Variants in LLGL2 observed in about 807,000 individuals in gnomAD.
The protein encoded by LLGL2 is LLGL2, scribble cell polarity complex component.
In LLGL2, 81 loss-of-function variants were observed where a neutral mutation model predicts 123.2. The observed-to-expected ratio is 0.66, with a 90% CI of 0.55 to 0.79. The LOEUF is 0.79. Ranked by LOEUF, LLGL2 falls within the 30% of genes least tolerant of loss-of-function variation. The probability of loss-of-function intolerance (pLI) is 0.00; values close to 1 mark genes in which losing one functional copy is unlikely to be tolerated. For synonymous variants in LLGL2, 577 were observed against 594.1 expected, an observed-to-expected ratio of 0.97 and a Z score of 0.42; for missense variants, 1,273 against 1,414.6, an observed-to-expected ratio of 0.90 and a Z score of 1.61.
rs562297730 is a variant in LLGL2, at chr17:75,543,286, G to C, written c.-30-111G>C. The C allele has an allele frequency of 6.1e-4, 409 of 669,304 alleles. 1 individual carries two copies. In the African/African-American group the frequency reaches 7.4e-3, roughly 12 times the overall value. The allele number at this position is 669,304 out of a possible 1,614,324, so 41.5% of individuals were successfully genotyped here. A position where few individuals can be genotyped will look rare whatever the true frequency, so the allele number is the denominator to read the frequency against. ...ACTGTGAAGCTGGCCTGGCCCCGGG[G>C]TGGCAGCCTACTGGACTTGGAGAGA... is the stretch of plus-strand genomic sequence containing the variant. On this transcript the variant is annotated intron_variant, in intron 1 of 25. Coordinates refer to ENST00000392550, the MANE Select transcript of LLGL2 (RefSeq NM_001031803.2).
In LLGL2 at chr17:75,573,072, G is replaced by A. The variant is rs1486724075; in HGVS notation, c.2519G>A (p.Gly840Asp). 6.2e-7 allele frequency: 1 copy of A among 1,613,042 alleles called. No homozygotes were observed. The highest frequency in any genetic ancestry group is 8.5e-7 in the Non-Finnish European group (1 of 1,179,984). ...KLKLKLTALE[G>D]SRVRRVSVAH... ...AAGTTGAAGCTGACGGCCCTGGAGG[G>A]CTCAAGAGTGCGGCGGGTCAGCGTG... The change falls in exon 20 of 26, where the codon GGC becomes GAC. Residue 840 changes from glycine (G) to aspartate (D), a missense_variant. Transcript: ENST00000392550.
rs150609196 is a variant in LLGL2, at chr17:75,530,972, C to T, written c.-31+5147C>T. Among the ~76,000 whole-genome samples, 121 of 152,190 alleles carry T rather than the reference C, an allele frequency of 8.0e-4. 1 individual carries two copies. The highest frequency in any genetic ancestry group is 2.6e-3 in the African/African-American group (108 of 41,534). On this transcript the variant is annotated intron_variant, in intron 1 of 25. Transcript: ENST00000392550. ...CCTTGGGAGGGCCAAGAGTGAGAGC[C>T]GGTTGCCTGGGAGTCTTTCCTGTGG...
chr17:75,558,726 C>G lies in LLGL2; in HGVS notation c.371+99C>G, dbSNP rs1383441868. On this transcript the variant is annotated intron_variant, in intron 5 of 25. Transcript: ENST00000392550. The surrounding 1 kb of genome is among the most constrained non-coding windows in gnomAD (Gnocchi z 4.0). Reference sequence around the variant, plus strand: ...ACCCTTTGTGAGGCCTGTTGCGCCCCTGGCAGTGACTGGCATGCGTTTGGC... The same window carrying G: ...ACCCTTTGTGAGGCCTGTTGCGCCCGTGGCAGTGACTGGCATGCGTTTGGC... The G allele has an allele frequency of 1.1e-6, 1 of 881,490 alleles. No homozygotes were observed. Among genetic ancestry groups the G allele is most frequent in the Non-Finnish European group, 1.8e-6 (1 of 554,598 alleles). The allele number at this position is 881,490 out of a possible 1,614,324, so 54.6% of individuals were successfully genotyped here. A position where few individuals can be genotyped will look rare whatever the true frequency, so the allele number is the denominator to read the frequency against.
intron 1 of LLGL2, among the ~76,000 whole-genome samples, chr17:75,531,350 G>T (rs1470921612): frequency 1.3e-5 from 2 of 152,168 alleles, no homozygotes; most frequent in Non-Finnish European, 2.9e-5. Flanking sequence ...AGTTTCCCCG[G>T]GGAGCTATTC....
At position 75,571,738 on chromosome 17, in the gene LLGL2, C is replaced by T; in HGVS notation, c.2248C>T (p.Pro750Ser). 6.2e-7 allele frequency: 1 copy of T among 1,609,090 alleles called. No individual in the cohort carries two copies. ...CATCTATGCCTTCTCCCTGCGTGTG[C>T]CTCCCGCCGAGCGGAGAATGGATGA... Reference protein sequence around the residue: ...GTIYAFSLRVPPAERRMDEPV... With the variant: ...GTIYAFSLRVSPAERRMDEPV... Residue 750 changes from proline (P) to serine (S), a missense_variant, in exon 18 of 26, where the codon CCT becomes TCT. Pro to Ser is a moderately conservative substitution (Grantham distance 74). Coordinates refer to ENST00000392550, the MANE Select transcript of LLGL2 (RefSeq NM_001031803.2).
chr17:75,550,771 A>C (rs2147278933), intron 2 of LLGL2, among the ~76,000 whole-genome samples: 1 of 110,620 alleles, frequency 9.0e-6, no homozygotes, highest in Admixed American at 1.1e-4. Context: ...ACAGAGTGAG[A>C]CCCTGTCTCA....
chr17:75,540,239 GA>G (rs1475538823), intron 1 of LLGL2, among the ~76,000 whole-genome samples: 1 of 152,226 alleles, frequency 6.6e-6, no homozygotes, highest in Non-Finnish European at 1.5e-5. Flanking sequence ...CTGGCTTCCT[GA>G]AGTTTCTCTG....
intron 3 of LLGL2, among the ~76,000 whole-genome samples, chr17:75,557,404 C>T (rs985323509): frequency 5.9e-5 from 9 of 152,294 alleles, no homozygotes; most frequent in African/African-American, 2.2e-4. Context: ...CCAGTTGGGT[C>T]ATCTTTTATC....
chr17:75,535,007 A>C (rs1001359187), intron 1 of LLGL2, among the ~76,000 whole-genome samples: 1 of 152,154 alleles, frequency 6.6e-6, no homozygotes, highest in Non-Finnish European at 1.5e-5. Context: ...ACTCCATGGA[A>C]CTGCCTTTCA....
At chr17:75,545,893 T>C (rs2054400829) in intron 2 of LLGL2, among the ~76,000 whole-genome samples, 1 of 152,084 alleles carries the variant, frequency 6.6e-6, no homozygotes, top group African/African-American at 2.4e-5. Flanking sequence ...ACAGATGATA[T>C]TTGAGGCTGG....
chr17:75,568,446 C>T (rs756825957), intron 10 of LLGL2, 30 bp from the exon 11 acceptor site: 9 of 1,603,948 alleles, frequency 5.6e-6, no homozygotes, highest in African/African-American at 2.7e-5. Context: ...CCTCCTGGCC[C>T]CGGCCCCTGA....
intron 10 of LLGL2, chr17:75,568,165 C>T (rs2055528132): frequency 3.1e-6 from 4 of 1,277,920 alleles, no homozygotes; most frequent in Non-Finnish European, 4.0e-6. Flanking sequence ...GGAGGAGAAA[C>T]CAGGGAAGAG....
rs962821900 is a variant in LLGL2 at position 75,558,995 on chromosome 17, A to T, written c.372-257A>T. On this transcript the variant is annotated intron_variant, in intron 5 of 25. Transcript: ENST00000392550. The surrounding 1 kb of genome is among the most constrained non-coding windows in gnomAD (Gnocchi z 4.0). The stretch of plus-strand genomic sequence containing the variant: ...CCTCCATCCGCACCCCGCCTCCTCC[A>T]TCTGCACCCCGCCTCCTCCATCCGC... 3.1e-5 allele frequency: 17 copies of T among 552,208 alleles called. No homozygotes were observed. Among genetic ancestry groups the T allele is most frequent in the Non-Finnish European group, 2.6e-5 (8 of 309,708 alleles). The allele number at this position is 552,208 out of a possible 1,614,324, so 34.2% of individuals were successfully genotyped here. A position where few individuals can be genotyped will look rare whatever the true frequency, so the allele number is the denominator to read the frequency against.
At chr17:75,567,943 G>A (rs3910704) in intron 10 of LLGL2, 221,436 of 557,768 alleles carry the variant, frequency 0.4, 50,064 homozygotes, top group African/African-American at 0.75. Flanking sequence ...ACCCTGTCTC[G>A]AGAAAAGAAA....
chr17:75,535,692 G>A lies in LLGL2; in HGVS notation c.-30-7705G>A, dbSNP rs987517183. Reference sequence around the variant, plus strand: ...GCCACTTAGAGCGAGGGGGGCCCAAGGCAAGTCCACCCCGTGTGGTTATTC... The same window carrying A: ...GCCACTTAGAGCGAGGGGGGCCCAAAGCAAGTCCACCCCGTGTGGTTATTC... On this transcript the variant is annotated intron_variant, in intron 1 of 25. Transcript: ENST00000392550. 4.6e-5 allele frequency among the ~76,000 whole-genome samples: 7 copies of A among 152,234 alleles called. No homozygotes were observed. The South Asian group carries it at 1.4e-3, about 31-fold the overall frequency.
At chr17:75,553,265 G>T (rs76593171) in intron 2 of LLGL2, among the ~76,000 whole-genome samples, 1,717 of 152,320 alleles carry the variant, frequency 0.011, 33 homozygotes, top group African/African-American at 0.039. Context: ...TCCCATTTAG[G>T]TATGACCATT....
At chr17:75,565,534 G>C (rs1057404580) in intron 10 of LLGL2, among the ~76,000 whole-genome samples, 1 of 152,162 alleles carries the variant, frequency 6.6e-6, no homozygotes, top group Non-Finnish European at 1.5e-5. Flanking sequence ...CACAACATTT[G>C]GGCCATGTTG....
At chr17:75,563,310 C>A (rs772788673) in intron 7 of LLGL2, 21 bp from the exon 8 acceptor site, 1 of 1,611,350 alleles carries the variant, frequency 6.2e-7, no homozygotes, top group South Asian at 1.1e-5. Context: ...TGCCCTCTGT[C>A]CCTCTCCTCT....
rs988837761 is a variant in LLGL2 at position 75,549,277 on chromosome 17, G to A, written c.75+5776G>A. ...ACCATGGGACCTCGGGAGGGAGGAAGTGCTGCTGGAGAAGTCAAGGTAAAA... is the reference window on the plus strand; with the variant it reads ...ACCATGGGACCTCGGGAGGGAGGAAATGCTGCTGGAGAAGTCAAGGTAAAA... On this transcript the variant is annotated intron_variant, in intron 2 of 25. Transcript: ENST00000392550. The surrounding 1 kb of genome is among the most constrained non-coding windows in gnomAD (Gnocchi z 4.0). Among the ~76,000 whole-genome samples the A allele has an allele frequency of 2.6e-5, 4 of 152,158 alleles. No individual in the cohort carries two copies. The highest frequency in any genetic ancestry group is 9.7e-5 in the African/African-American group (4 of 41,416).
Sources: gnomAD v4.1 joint callset for allele counts (sites outside exome capture counted in the v4.1 genomes callset) on GRCh38, gnomAD v4.1.1 for gene constraint, Gnocchi (gnomAD v3.1) non-coding constraint, MANE v1.5 for transcripts, NCBI Gene and HGNC (gene_info 2026-07-23, HGNC 2026-07-21) for gene names.